The following FRMD4A variants were observed in gnomAD, a reference collection of about 807,000 sequenced individuals.
FRMD4A encodes the protein FERM domain containing 4A, also known as FERM domain-containing protein 4A.
A neutral mutation model predicts 129.1 loss-of-function variants in FRMD4A; 29 were observed. The ratio of observed to expected loss-of-function variants is 0.22; its 90% confidence interval spans 0.17 to 0.31. The LOEUF (loss-of-function observed/expected upper bound fraction) is 0.31. Ranked by LOEUF, FRMD4A falls within the 10% of genes least tolerant of loss-of-function variation. FRMD4A has a pLI of 1.00. For synonymous variants in FRMD4A, 634 were observed against 571.6 expected, an observed-to-expected ratio of 1.11 and a Z score of -1.56; for missense variants, 1,272 against 1,375.8, an observed-to-expected ratio of 0.92 and a Z score of 1.19.
At chr10:13,662,532 G>A (rs1274287022) in intron 19 of FRMD4A, among the ~76,000 whole-genome samples, 1 of 152,142 alleles carries the variant, frequency 6.6e-6, no homozygotes, top group Non-Finnish European at 1.5e-5. Context: ...ATCCACAGGA[G>A]TATTCTCACA....
At chr10:14,112,659 G>A (rs1025651860) in intron 2 of FRMD4A, among the ~76,000 whole-genome samples, 1 of 152,150 alleles carries the variant, frequency 6.6e-6, no homozygotes, top group Non-Finnish European at 1.5e-5. Flanking sequence ...CAGAGTAGCT[G>A]GGATTATAGG....
At chr10:14,121,575 TGA>T (rs1838521542) in intron 2 of FRMD4A, among the ~76,000 whole-genome samples, 2 of 152,164 alleles carry the variant, frequency 1.3e-5, no homozygotes, top group African/African-American at 4.8e-5. Context: ...TGAATGCCAC[TGA>T]GAGGTGTGAA....
chr10:13,887,602 C>T (rs993341274), intron 2 of FRMD4A, among the ~76,000 whole-genome samples: 3 of 152,052 alleles, frequency 2.0e-5, no homozygotes, highest in African/African-American at 7.3e-5. Flanking sequence ...CAGAGGTTGC[C>T]GTGAGCCGAG....
chr10:13,660,624 A>C (rs1589247322), intron 19 of FRMD4A, 71 bp from the exon 20 acceptor site: 1 of 888,246 alleles, frequency 1.1e-6, no homozygotes, highest in Admixed American at 2.2e-5. Flanking sequence ...GAACCCCTAC[A>C]CCCCTCCACC....
chr10:14,174,486 C>A (rs932309396), intron 2 of FRMD4A, among the ~76,000 whole-genome samples: 13 of 152,232 alleles, frequency 8.5e-5, no homozygotes, highest in African/African-American at 3.1e-4. Context: ...CCGCTTTGGG[C>A]TCTGTAGCTT....
chr10:13,864,481 CCT>C (rs1276757811), intron 2 of FRMD4A, among the ~76,000 whole-genome samples: 1 of 151,892 alleles, frequency 6.6e-6, no homozygotes, highest in African/African-American at 2.4e-5. Context: ...ACCTTTCTTT[CCT>C]CTGTGTCTTT....
chr10:14,015,414 C>G (rs1288962832), intron 2 of FRMD4A, among the ~76,000 whole-genome samples: 1 of 150,944 alleles, frequency 6.6e-6, no homozygotes, highest in Non-Finnish European at 1.5e-5. Flanking sequence ...CCTCCTTCCC[C>G]TTCCCTTCCT....
chr10:13,706,445 C>T (rs1031089182), intron 13 of FRMD4A, among the ~76,000 whole-genome samples: 3 of 152,148 alleles, frequency 2.0e-5, no homozygotes, highest in African/African-American at 7.2e-5. Flanking sequence ...TTTTACAACC[C>T]TGGTGCTCTC....
intron 3 of FRMD4A, among the ~76,000 whole-genome samples, chr10:13,823,858 A>G (rs1230801115): frequency 6.6e-6 from 1 of 152,194 alleles, no homozygotes; most frequent in Non-Finnish European, 1.5e-5. Context: ...AAGAGCAGAG[A>G]AGAGTGTCTG....
intron 2 of FRMD4A, among the ~76,000 whole-genome samples, chr10:13,869,598 T>C (rs1388915193): frequency 6.6e-6 from 1 of 152,174 alleles, no homozygotes; most frequent in Non-Finnish European, 1.5e-5. Context: ...GACACCATAC[T>C]GGGGAGCACA....
chr10:14,189,399 C>T (rs1188138139), intron 2 of FRMD4A, among the ~76,000 whole-genome samples: 1 of 152,036 alleles, frequency 6.6e-6, no homozygotes, highest in Admixed American at 6.5e-5. Flanking sequence ...TATGATGAAA[C>T]CTGGTCTCTA....
intron 2 of FRMD4A, among the ~76,000 whole-genome samples, chr10:14,322,556 G>A (rs1449699731): frequency 6.6e-6 from 1 of 152,184 alleles, no homozygotes; most frequent in African/African-American, 2.4e-5. Context: ...TGATGTACTT[G>A]GAAAGATGAA....
At chr10:14,013,071 G>A (rs374167940) in intron 2 of FRMD4A, among the ~76,000 whole-genome samples, 22 of 152,264 alleles carry the variant, frequency 1.4e-4, no homozygotes, top group African/African-American at 4.8e-4. Flanking sequence ...AAGGGGCAAA[G>A]GATGGTGAGC....
intron 24 of FRMD4A, chr10:13,648,117 G>A (rs1254919251): frequency 6.6e-6 from 1 of 152,184 alleles, no homozygotes; most frequent in Non-Finnish European, 1.5e-5. Context: ...TTTCTCATCT[G>A]GCCTTAAAAT....
chr10:14,057,935 G>A (rs72776651), intron 2 of FRMD4A, among the ~76,000 whole-genome samples: 2,347 of 152,270 alleles, frequency 0.015, 26 homozygotes, highest in East Asian at 0.045. Context: ...GCGTGTCTGC[G>A]TCAGTGGACA....
intron 2 of FRMD4A, among the ~76,000 whole-genome samples, chr10:14,079,765 G>A (rs759698323): frequency 6.6e-6 from 1 of 152,212 alleles, no homozygotes; most frequent in Non-Finnish European, 1.5e-5. Flanking sequence ...AGAACTGGGT[G>A]TTCTTGCTTT....
chr10:14,103,574 T>C (rs1007187568), intron 2 of FRMD4A, among the ~76,000 whole-genome samples: 3 of 152,334 alleles, frequency 2.0e-5, no homozygotes, highest in Admixed American at 2.0e-4. Context: ...ATCTATCCTG[T>C]TTAAGCCACT....
In FRMD4A at chr10:13,718,966, G is replaced by A. The variant is rs545217248; in HGVS notation, c.760-11853C>T. On this transcript the variant is annotated intron_variant, in intron 12 of 24. Transcript: ENST00000357447. ...CATATTAGACACTCAATAGTTGTCTGTTGAGTGAGTGAATGAATGAATGAA... is the reference window on the plus strand; with the variant it reads ...CATATTAGACACTCAATAGTTGTCTATTGAGTGAGTGAATGAATGAATGAA... Among the ~76,000 whole-genome samples, 8 of 152,304 alleles carry A rather than the reference G, an allele frequency of 5.3e-5. No individual in the cohort carries two copies. The East Asian group carries it at 1.5e-3, about 29-fold the overall frequency.
intron 2 of FRMD4A, among the ~76,000 whole-genome samples, chr10:14,239,368 C>T (rs1843947929): frequency 6.6e-6 from 1 of 152,200 alleles, no homozygotes; most frequent in Non-Finnish European, 1.5e-5. Flanking sequence ...TGGCTCACTC[C>T]TGTAATCCCA....
Sources: gnomAD v4.1 joint callset for allele counts (sites outside exome capture counted in the v4.1 genomes callset) on GRCh38, gnomAD v4.1.1 for gene constraint, MANE v1.5 for transcripts, NCBI Gene and HGNC (gene_info 2026-07-23, HGNC 2026-07-21) for gene names.